CMIP: variants seen among roughly 807,000 people sequenced by gnomAD.
The protein encoded by CMIP is c-Maf inducing protein.
CMIP carries 13 observed loss-of-function variants against 97.3 expected under a neutral mutation model. The ratio of observed to expected loss-of-function variants is 0.13; its 90% CI spans 0.09 to 0.21. CMIP has a LOEUF of 0.21. Ranked by LOEUF, CMIP falls within the 10% of genes least tolerant of loss-of-function variation. The pLI is 1.00. For missense variants in CMIP, 847 were observed against 1,024.9 expected (o/e 0.83, Z 2.37); for synonymous variants, 538 against 436.3 (o/e 1.23, Z -2.91).
intron 7 of CMIP, among the ~76,000 whole-genome samples, chr16:81,668,969 ACTCCTTCCACACCCACCTCACACTCTC>A (rs1220406669): frequency 1.7e-4 from 11 of 65,338 alleles, no homozygotes; most frequent in Non-Finnish European, 3.2e-4. Flanking sequence ...CCCACCTCAC[ACTCCTTCCACACCCACCTCACACTCTC>A]CTCCTTCCAC....
At position 81,528,849 on chromosome 16, in the gene CMIP, A is replaced by G. The variant is rs1381091408; in HGVS notation, c.301-78718A>G. On this transcript the variant is annotated intron_variant, in intron 1 of 20. Coordinates refer to ENST00000537098, the MANE Select transcript of CMIP (RefSeq NM_198390.3). ...TCTATCTCCTTGCTTTCACTCAACA[A>G]ATATTTGGTGAGCGCGATTTTTTTG... Among the ~76,000 whole-genome samples, 3 of 152,080 alleles carry G rather than the reference A, an allele frequency of 2.0e-5. No individual in the cohort carries two copies. In the East Asian group the frequency reaches 5.8e-4, roughly 29 times the overall value.
At chr16:81,618,459 C>T (rs2091950295) in intron 2 of CMIP, 1 of 152,242 alleles carries the variant, frequency 6.6e-6, no homozygotes. Flanking sequence ...ATAACTTAAT[C>T]ACAAGGGATT....
intron 1 of CMIP, among the ~76,000 whole-genome samples, chr16:81,507,850 G>A (rs1248300235): frequency 6.6e-6 from 1 of 152,230 alleles, no homozygotes; most frequent in African/African-American, 2.4e-5. Context: ...GGGAAGGGCT[G>A]TGAGGGTAGC....
Position 81,444,811 on chromosome 16 carries a change from C to CT in CMIP, c.-430dup, listed in dbSNP as rs1158509050. On this transcript the variant is annotated 5_prime_UTR_variant, in exon 1 of 21. Coordinates refer to ENST00000537098, the MANE Select transcript of CMIP (RefSeq NM_198390.3). ...GCGGCCCGCCCCGCCCGCGGCCACT[C>CT]TCGCCCGGACGGCCGCGCGGACACA... Among the ~76,000 whole-genome samples the CT allele has an allele frequency of 5.1e-4, 75 of 145,636 alleles. No homozygotes were observed. The highest frequency in any genetic ancestry group is 1.8e-3 in the African/African-American group (72 of 40,756).
intron 7 of CMIP, chr16:81,665,182 C>T (rs2092590071): frequency 6.6e-6 from 1 of 151,846 alleles, no homozygotes; most frequent in African/African-American, 2.4e-5. Flanking sequence ...TTTAATTGCA[C>T]ACTTAGAGCG....
intron 1 of CMIP, among the ~76,000 whole-genome samples, chr16:81,523,600 C>T (rs971300177): frequency 3.3e-5 from 5 of 152,336 alleles, no homozygotes; most frequent in East Asian, 1.9e-4. Flanking sequence ...TCAGCCCAAC[C>T]GTGGTTGCCT....
intron 1 of CMIP, among the ~76,000 whole-genome samples, chr16:81,482,302 A>G (rs923711406): frequency 1.3e-5 from 2 of 152,166 alleles, no homozygotes; most frequent in Non-Finnish European, 2.9e-5. Flanking sequence ...CAGGCCACAT[A>G]GTCACAGGTT....
chr16:81,687,229 C>T (rs1174814310), intron 10 of CMIP, among the ~76,000 whole-genome samples: 3 of 152,236 alleles, frequency 2.0e-5, no homozygotes, highest in Non-Finnish European at 4.4e-5. Flanking sequence ...TCCACCCAGC[C>T]CGGGGCCCAG....
chr16:81,682,169 A>C (rs1904938210), intron 10 of CMIP, among the ~76,000 whole-genome samples: 1 of 151,136 alleles, frequency 6.6e-6, no homozygotes. Context: ...GCACTGCTGC[A>C]CTCCAAGCTG....
chr16:81,505,856 G>C (rs957177975), intron 1 of CMIP, among the ~76,000 whole-genome samples: 3 of 152,164 alleles, frequency 2.0e-5, no homozygotes, highest in African/African-American at 7.2e-5. Context: ...TCAGCCGGGC[G>C]TGGTGGCACA....
chr16:81,567,668 C>A (rs1200653218), intron 1 of CMIP, among the ~76,000 whole-genome samples: 1 of 152,214 alleles, frequency 6.6e-6, no homozygotes, highest in Admixed American at 6.5e-5. Flanking sequence ...CAGTATGCCA[C>A]GCCGCCCTCA....
intron 19 of CMIP, 49 bp downstream of exon 19, chr16:81,705,653 C>T (rs1280598799): frequency 7.9e-7 from 1 of 1,270,172 alleles, no homozygotes; most frequent in African/African-American, 1.5e-5. Flanking sequence ...TTGATTCATT[C>T]CTTCCTTGCT....
intron 1 of CMIP, among the ~76,000 whole-genome samples, chr16:81,563,109 C>A (rs1166818105): frequency 2.6e-5 from 4 of 152,256 alleles, no homozygotes; most frequent in African/African-American, 9.6e-5. Context: ...AAGCCTCCCC[C>A]AGCTGGCTGG....
At chr16:81,471,232 G>T (rs1334683353) in intron 1 of CMIP, among the ~76,000 whole-genome samples, 1 of 151,956 alleles carries the variant, frequency 6.6e-6, no homozygotes, top group Non-Finnish European at 1.5e-5. Flanking sequence ...ACACATACAT[G>T]CACACATAGA....
chr16:81,708,399 C>T (rs1430886634), intron 20 of CMIP, among the ~76,000 whole-genome samples: 1 of 152,010 alleles, frequency 6.6e-6, no homozygotes, highest in Non-Finnish European at 1.5e-5. Flanking sequence ...GAAATGCTGC[C>T]TGGATTATCT....
chr16:81,697,389 T>G (rs1482473070), intron 14 of CMIP: 1 of 152,180 alleles, frequency 6.6e-6, no homozygotes, highest in Non-Finnish European at 1.5e-5. Context: ...CACAGACTCT[T>G]CCTCCCCCAG....
chr16:81,588,576 A>G (rs1457564312), intron 1 of CMIP, among the ~76,000 whole-genome samples: 2 of 152,064 alleles, frequency 1.3e-5, no homozygotes, highest in Admixed American at 6.6e-5. Context: ...CTGAAATGAC[A>G]TGGCCATGGC....
Position 81,693,182 on chromosome 16 carries a change from C to G in CMIP, c.1479C>G (p.Thr493=). ...PKEALAHEKF[T]KELKYVIQRF... is the part of the protein sequence containing the mutation. ...GAGCTCTCGCACATGAGAAGTTCAC[C>G]AAGTGAGTGTCTGGGCACCGCCCTC... The change falls in exon 12 of 21, where the codon ACC becomes ACG. Residue 493 remains threonine, a splice_region_variant and synonymous_variant. Coordinates refer to ENST00000537098, the MANE Select transcript of CMIP (RefSeq NM_198390.3). The G allele has an allele frequency of 1.2e-6, 2 of 1,612,612 alleles. No individual in the cohort carries two copies. The highest frequency in any genetic ancestry group is 1.7e-6 in the Non-Finnish European group (2 of 1,178,830).
intron 6 of CMIP, 133 bp downstream of exon 6, chr16:81,661,079 C>T (rs1410395424): frequency 7.5e-6 from 8 of 1,061,896 alleles, no homozygotes; most frequent in East Asian, 2.4e-5. Context: ...CAGACACAGG[C>T]GGAGAGGGCA....
Sources: gnomAD v4.1 joint callset for allele counts (sites outside exome capture counted in the v4.1 genomes callset) on GRCh38, gnomAD v4.1.1 for gene constraint, MANE v1.5 for transcripts, NCBI Gene and HGNC (gene_info 2026-07-23, HGNC 2026-07-21) for gene names.